The following GPAA1 variants were observed in gnomAD, a reference collection of about 807,000 sequenced individuals.
GPAA1 encodes the protein GPI-anchor transamidase component GPAA1.
A neutral mutation model predicts 64.0 loss-of-function variants in GPAA1; 54 were observed. That is an observed-to-expected ratio of 0.84 (90% CI 0.68 to 1.06). The LOEUF (loss-of-function observed/expected upper bound fraction) is 1.06, where lower values mean the gene tolerates loss of function less well. Among genes scored for constraint, GPAA1 ranks in the 50% least tolerant of loss-of-function variants. The pLI is 0.00. For missense variants in GPAA1, 780 were observed against 822.3 expected, an observed-to-expected ratio of 0.95 and a Z score of 0.63; for synonymous variants, 393 against 377.3, an observed-to-expected ratio of 1.04 and a Z score of -0.48.
Position 144,085,658 on chromosome 8 carries a change from A to T in GPAA1, c.1537A>T (p.Ile513Phe). 1 of 1,613,804 alleles carries T rather than the reference A, an allele frequency of 6.2e-7. No individual in the cohort carries two copies. Among genetic ancestry groups the T allele is most frequent in the Non-Finnish European group, 8.5e-7 (1 of 1,179,918 alleles). The change falls in exon 11 of 12, where the codon ATC becomes TTC. Residue 513 changes from isoleucine to phenylalanine, a missense_variant. Transcript: ENST00000355091. ...CTACCTAGCACTGCAGCTGGGCTGCATCGCCCTCACCAACTTCTCACTGGG... is the reference window on the plus strand; with the variant it reads ...CTACCTAGCACTGCAGCTGGGCTGCTTCGCCCTCACCAACTTCTCACTGGG... ...LIYLALQLGCIALTNFSLGFL... is the reference protein window; with the variant it reads ...LIYLALQLGCFALTNFSLGFL...
rs1190585617 is a variant in GPAA1 at position 144,082,899 on chromosome 8, A to AGCTGCTCGCGCCCCTCCG, written c.74+109_74+126dup. The AGCTGCTCGCGCCCCTCCG allele has an allele frequency of 6.6e-6, 7 of 1,064,644 alleles. No individual in the cohort carries two copies. The Admixed American group carries it at 2.2e-4, about 34-fold the overall frequency. 65.9% of individuals were successfully genotyped at this position (1,064,644 alleles called of 1,614,324 possible). A position where few individuals can be genotyped will look rare whatever the true frequency, so the allele number is the denominator to read the frequency against. On this transcript the variant is annotated intron_variant, in intron 1 of 11. Coordinates refer to ENST00000355091, the MANE Select transcript of GPAA1 (RefSeq NM_003801.4). ...CCCCATCGAGGGCCGGGGCCGCTCC[A>AGCTGCTCGCGCCCCTCCG]GCTGCTCGCGCCCCTCCGGCTGCTC...
chr8:144,086,054 C>T lies in GPAA1; in HGVS notation c.1795C>T (p.Leu599Phe). The change falls in exon 12 of 12, where the codon CTC becomes TTC. Residue 599 changes from leucine (L) to phenylalanine (F), a missense_variant. Physicochemically the swap from Leu to Phe is conservative, Grantham distance 22. Transcript: ENST00000355091. Reference protein sequence around the residue: ...VLEHHTYGALLFPLLSLGLYP... With the variant: ...VLEHHTYGALFFPLLSLGLYP... ...GGAGCACCACACCTACGGCGCCCTG[C>T]TCTTCCCACTGCTGTCCCTGGGCCT... 8 of 1,613,308 alleles carry T rather than the reference C, an allele frequency of 5.0e-6. No homozygotes were observed. The highest frequency in any genetic ancestry group is 6.8e-6 in the Non-Finnish European group (8 of 1,179,900).
In GPAA1 at chr8:144,084,817, T is replaced by G. The variant is rs782708367; in HGVS notation, c.1106T>G (p.Val369Gly). The change falls in exon 8 of 12, where the codon GTC becomes GGC. Residue 369 changes from valine (V) to glycine (G), a missense_variant. Coordinates refer to ENST00000355091, the MANE Select transcript of GPAA1 (RefSeq NM_003801.4). Reference protein sequence around the residue: ...LYLLPGLSRFVSIGLYMPAVG... With the variant: ...LYLLPGLSRFGSIGLYMPAVG... Reference sequence around the variant, plus strand: ...TTGCTCCCCGGCCTCTCCCGCTTCGTCTCCATCGGCCTCTACATGCCCGCT... The same window carrying G: ...TTGCTCCCCGGCCTCTCCCGCTTCGGCTCCATCGGCCTCTACATGCCCGCT... 6.2e-7 allele frequency: 1 copy of G among 1,613,746 alleles called. No homozygotes were observed. Among genetic ancestry groups the G allele is most frequent in the East Asian group, 2.2e-5 (1 of 44,886 alleles).
rs1587590948 is a variant in GPAA1 at position 144,082,704 on chromosome 8, T to C, written c.-27T>C. The C allele has an allele frequency of 1.4e-6, 2 of 1,396,970 alleles. No homozygotes were observed. The highest frequency in any genetic ancestry group is 1.9e-6 in the Non-Finnish European group (2 of 1,075,106). 86.5% of individuals were successfully genotyped at this position (1,396,970 alleles called of 1,614,324 possible). ...GGCGGTAGTTGGAGGCGGGAGAGGG[T>C]CCGTAGCCGCGCCGCCCTGCCCCGC... is the stretch of plus-strand genomic sequence containing the variant. On this transcript the variant is annotated 5_prime_UTR_variant, in exon 1 of 12. Coordinates refer to ENST00000355091, the MANE Select transcript of GPAA1 (RefSeq NM_003801.4).
chr8:144,082,832 A>C, intron 1 of GPAA1, 28 bp downstream of exon 1: 1 of 1,371,700 alleles, frequency 7.3e-7, no homozygotes, highest in Non-Finnish European at 9.4e-7. Flanking sequence ...GGAGGCGGGG[A>C]CCCGAGGGCC....
At position 144,082,780 on chromosome 8, in the gene GPAA1, T is replaced by G. The variant is rs1554763674; in HGVS notation, c.50T>G (p.Val17Gly). ...CGCCGGCGCGCGCTCGCCCGCCTAGTGCTGCGCCTCAACGCGCCGTTGTGG... is the reference window on the plus strand; with the variant it reads ...CGCCGGCGCGCGCTCGCCCGCCTAGGGCTGCGCCTCAACGCGCCGTTGTGG... ...PVRRRALARL[V>G]LRLNAPLCVL... is the part of the protein sequence containing the mutation. The change falls in exon 1 of 12, where the codon GTG becomes GGG. Residue 17 changes from valine (V) to glycine (G), a missense_variant. Coordinates refer to ENST00000355091, the MANE Select transcript of GPAA1 (RefSeq NM_003801.4). 1 of 1,466,738 alleles carries G rather than the reference T, an allele frequency of 6.8e-7. No homozygotes were observed. Among genetic ancestry groups the G allele is most frequent in the Admixed American group, 2.4e-5 (1 of 41,248 alleles). The allele number at this position is 1,466,738 out of a possible 1,614,324, so 90.9% of individuals were successfully genotyped here.
chr8:144,083,566 A>G, intron 3 of GPAA1, 66 bp downstream of exon 3: 1 of 1,452,236 alleles, frequency 6.9e-7, no homozygotes, highest in Non-Finnish European at 9.7e-7. Flanking sequence ...TGGGCTGGGT[A>G]TCACCTTGCG....
In GPAA1 at chr8:144,084,839, C is replaced by G. The variant is rs782200622; in HGVS notation, c.1128C>G (p.Pro376=). 6.2e-7 allele frequency: 1 copy of G among 1,613,652 alleles called. No individual in the cohort carries two copies. The highest frequency in any genetic ancestry group is 1.1e-5 in the South Asian group (1 of 91,086). Residue 376 remains proline (P), a synonymous_variant, in exon 8 of 12, where the codon CCC becomes CCG. Coordinates refer to ENST00000355091, the MANE Select transcript of GPAA1 (RefSeq NM_003801.4). The part of the protein sequence containing the change: ...SRFVSIGLYM[P]AVGFLLLVLG... ...TCGTCTCCATCGGCCTCTACATGCC[C>G]GCTGTCGGCTTCTTGCTCCTGGTCC...
chr8:144,084,689 TG>T, intron 7 of GPAA1, 32 bp from the exon 8 acceptor site: 2 of 1,610,974 alleles, frequency 1.2e-6, no homozygotes, highest in Non-Finnish European at 1.7e-6. Context: ...CTGGTGGCTC[TG>T]GCCAGCCGTG....
At chr8:144,085,212 C>T (rs1456963180) in intron 9 of GPAA1, 74 bp downstream of exon 9, 4 of 1,477,494 alleles carry the variant, frequency 2.7e-6, no homozygotes, top group African/African-American at 2.8e-5. Flanking sequence ...AACTTAGCCT[C>T]AGCTGGTGGG....
At chr8:144,082,925 G>T (rs1835932365) in intron 1 of GPAA1, 121 bp downstream of exon 1, 3 of 917,702 alleles carry the variant, frequency 3.3e-6, no homozygotes, top group South Asian at 2.0e-5. Flanking sequence ...CCGGCTGCTC[G>T]CGCCCTTCCG....
rs199578024 is a variant in GPAA1 at position 144,083,965 on chromosome 8, G to A, written c.541G>A (p.Val181Ile). ...RGQIYWAKDI[V>I]FLVTEHDLLG... is the part of the protein sequence containing the mutation. ...GCAGATTTATTGGGCCAAAGATATC[G>A]TCTTCCTGGTAACAGAACATGACCT... The change falls in exon 5 of 12, where the codon GTC becomes ATC. Residue 181 changes from valine to isoleucine, a missense_variant. Val to Ile is a conservative substitution (Grantham distance 29). Transcript: ENST00000355091. The A allele has an allele frequency of 2.8e-4, 456 of 1,614,038 alleles. 2 individuals are homozygous for A. Among genetic ancestry groups the A allele is most frequent in the South Asian group, 2.8e-3 (254 of 91,084 alleles).
intron 9 of GPAA1, 65 bp downstream of exon 9, chr8:144,085,203 A>G: frequency 6.8e-7 from 1 of 1,469,144 alleles, no homozygotes; most frequent in South Asian, 1.3e-5. Flanking sequence ...TAGTGTTGCA[A>G]CTTAGCCTCA....
chr8:144,085,076 G>A lies in GPAA1; in HGVS notation c.1198G>A (p.Gly400Arg). Residue 400 changes from glycine (G) to arginine (R), a missense_variant, in exon 9 of 12, where the codon GGA (glycine) becomes AGA (arginine). Transcript: ENST00000355091. ...LELWMQLHEA[G>R]MGLEEPGGAP... is the part of the protein sequence containing the mutation. ...ACTGTGGATGCAGCTGCATGAGGCT[G>A]GAATGGGCCTTGAGGAGCCCGGGGG... 2 of 1,610,822 alleles carry A rather than the reference G, an allele frequency of 1.2e-6. No homozygotes were observed. Among genetic ancestry groups the A allele is most frequent in the Non-Finnish European group, 1.7e-6 (2 of 1,178,514 alleles).
At position 144,082,674 on chromosome 8, in the gene GPAA1, A is replaced by G. The variant is rs1443209520; in HGVS notation, c.-57A>G. ...GGTCTGACAGGAGCAGCCTGTGGGC[A>G]CCGCGGCGGTAGTTGGAGGCGGGAG... is the stretch of plus-strand genomic sequence containing the variant. On this transcript the variant is annotated 5_prime_UTR_variant, in exon 1 of 12. Transcript: ENST00000355091. 6.8e-5 allele frequency: 73 copies of G among 1,067,948 alleles called. No homozygotes were observed. The highest frequency in any genetic ancestry group is 8.0e-5 in the Non-Finnish European group (65 of 817,314). The allele number at this position is 1,067,948 out of a possible 1,614,324, so 66.2% of individuals were successfully genotyped here.
Position 144,085,093 on chromosome 8 carries a change from G to GC in GPAA1, c.1218dup (p.Gly407ArgfsTer56), listed in dbSNP as rs1554764151. ...ATGAGGCTGGAATGGGCCTTGAGGA[G>GC]CCCGGGGGTGCCCCTGGCCCCAGTG... On this transcript the variant is annotated frameshift_variant, in exon 9 of 12. Transcript: ENST00000355091. LOFTEE classifies it high-confidence loss of function. 6.2e-7 allele frequency: 1 copy of GC among 1,609,264 alleles called. No homozygotes were observed. The highest frequency in any genetic ancestry group is 1.1e-5 in the South Asian group (1 of 90,560).
At position 144,083,370 on chromosome 8, in the gene GPAA1, G is replaced by T; in HGVS notation, c.255-19G>T. 2 of 1,612,460 alleles carry T rather than the reference G, an allele frequency of 1.2e-6. No homozygotes were observed. Among genetic ancestry groups the T allele is most frequent in the Non-Finnish European group, 1.7e-6 (2 of 1,179,004 alleles). On this transcript the variant is annotated intron_variant, in intron 2 of 11. Coordinates refer to ENST00000355091, the MANE Select transcript of GPAA1 (RefSeq NM_003801.4). Reference sequence around the variant, plus strand: ...TAAGGCCGGGGAGCTCTGCTCAGAGGCTCCCTTCGTGTCTGCAGGGCTCTG... The same window carrying T: ...TAAGGCCGGGGAGCTCTGCTCAGAGTCTCCCTTCGTGTCTGCAGGGCTCTG...
Position 144,085,226 on chromosome 8 carries a change from G to A in GPAA1, c.1261-63G>A, listed in dbSNP as rs935421595. 4.7e-6 allele frequency: 7 copies of A among 1,495,324 alleles called. No individual in the cohort carries two copies. In the African/African-American group the frequency reaches 6.9e-5, roughly 15 times the overall value. 92.6% of individuals were successfully genotyped at this position (1,495,324 alleles called of 1,614,324 possible). On this transcript the variant is annotated intron_variant, in intron 9 of 11. Coordinates refer to ENST00000355091, the MANE Select transcript of GPAA1 (RefSeq NM_003801.4). ...CAACTTAGCCTCAGCTGGTGGGATG[G>A]TGGTGGTCTTTGGGGATCCCCTGGC...
At chr8:144,083,040 C>T in intron 1 of GPAA1, 84 bp from the exon 2 acceptor site, 2 of 1,290,470 alleles carry the variant, frequency 1.5e-6, no homozygotes, top group East Asian at 2.5e-5. Context: ...CCCGCGCGAT[C>T]GACCCCGGGT....
Sources: gnomAD v4.1 joint callset for allele counts on GRCh38, gnomAD v4.1.1 for gene constraint, MANE v1.5 for transcripts, NCBI Gene and HGNC (gene_info 2026-07-23, HGNC 2026-07-21) for gene names.